The following TYW2 variants were observed in gnomAD, a reference collection of about 807,000 sequenced individuals.
TYW2 encodes tRNA wybutosine-synthesizing protein 2, also known as tRNA wybutosine-synthesizing protein 2 homolog.
the TYW2 span, chr8:124,452,187 G>A: frequency 1.2e-6 from 2 of 1,614,080 alleles, no homozygotes; most frequent in East Asian, 2.2e-5. Flanking sequence ...CACAAATTCT[G>A]CACATCCAAC....
chr8:124,451,678 C>T, the TYW2 span: 1 of 1,614,174 alleles, frequency 6.2e-7, no homozygotes, highest in Non-Finnish European at 8.5e-7. Flanking sequence ...TTTTACATTG[C>T]CTTTCCTAGT....
At chr8:124,451,526 AG>A in the TYW2 span, 1 of 1,614,128 alleles carries the variant, frequency 6.2e-7, no homozygotes, top group Non-Finnish European at 8.5e-7. Flanking sequence ...GGCTGGGTAG[AG>A]CATGTGGATA....
At chr8:124,452,310 C>T in the TYW2 span, 24 of 1,595,002 alleles carry the variant, frequency 1.5e-5, no homozygotes, top group South Asian at 1.7e-4. Context: ...GATCCACGTG[C>T]GAGTGGCCCT....
At chr8:124,451,400 C>G in the TYW2 span, 8 of 1,613,940 alleles carry the variant, frequency 5.0e-6, no homozygotes, top group African/African-American at 1.1e-4. Context: ...AATCTGGGAC[C>G]GGAACTCTGG....
the TYW2 span, chr8:124,451,831 A>C: frequency 6.2e-6 from 10 of 1,614,038 alleles, no homozygotes; most frequent in Non-Finnish European, 7.6e-6. Flanking sequence ...GCTCTCAAAT[A>C]TTGCAGATAG....
chr8:124,452,040 G>A, the TYW2 span: 2 of 1,614,172 alleles, frequency 1.2e-6, no homozygotes, highest in East Asian at 2.2e-5. Context: ...CCAACCAATG[G>A]AAAAATGGAG....
chr8:124,451,879 T>A, the TYW2 span: 6 of 1,614,196 alleles, frequency 3.7e-6, no homozygotes, highest in Non-Finnish European at 5.1e-6. Flanking sequence ...TGAAGAAGGC[T>A]GGCCCATTGC....
chr8:124,451,052 T>C, the TYW2 span: 2 of 1,614,110 alleles, frequency 1.2e-6, no homozygotes, highest in Non-Finnish European at 1.7e-6. Flanking sequence ...AGGCAGAAAC[T>C]CTTTGATACA....
chr8:124,452,429 C>T, the TYW2 span: 1 of 705,812 alleles, frequency 1.4e-6, no homozygotes, highest in Admixed American at 3.3e-5. Context: ...CAAATTATTT[C>T]ATTTGTCTTT....
the TYW2 span, chr8:124,451,860 T>G: frequency 6.2e-7 from 1 of 1,614,146 alleles, no homozygotes; most frequent in Non-Finnish European, 8.5e-7. Context: ...TGGGGCTGAT[T>G]CCCAGCTCTG....
chr8:124,450,866 AAGACCGGGAATTT>A, the TYW2 span: 1 of 1,546,388 alleles, frequency 6.5e-7, no homozygotes, highest in Non-Finnish European at 8.7e-7. Context: ...TACCTTATTT[AAGACCGGGAATTT>A]AGTCAGCCTG....
the TYW2 span, chr8:124,451,393 C>T: frequency 1.2e-6 from 2 of 1,614,112 alleles, no homozygotes; most frequent in Non-Finnish European, 1.7e-6. Flanking sequence ...GTGGAAAAAT[C>T]TGGGACCGGA....
At chr8:124,450,870 C>T in the TYW2 span, 1 of 1,549,746 alleles carries the variant, frequency 6.5e-7, no homozygotes, top group Non-Finnish European at 8.7e-7. Context: ...TTATTTAAGA[C>T]CGGGAATTTA....
At chr8:124,451,204 G>A in the TYW2 span, 4 of 1,614,144 alleles carry the variant, frequency 2.5e-6, no homozygotes, top group Non-Finnish European at 3.4e-6. Context: ...CCCGGATCCT[G>A]TTCCTTCGAA....
At chr8:124,451,009 T>C in the TYW2 span, 800,703 of 1,613,798 alleles carry the variant, frequency 0.5, 201,862 homozygotes, top group African/African-American at 0.72. Context: ...GACTGAGCCT[T>C]GGTTTACCCA....
At chr8:124,452,141 C>G in the TYW2 span, 1 of 1,614,244 alleles carries the variant, frequency 6.2e-7, no homozygotes, top group Admixed American at 1.7e-5. Flanking sequence ...CGAATCGCCA[C>G]TCTTCTTCAG....
At chr8:124,452,259 T>TC in the TYW2 span, 4 of 1,613,238 alleles carry the variant, frequency 2.5e-6, no homozygotes, top group African/African-American at 5.3e-5. Context: ...GCTGCCCCTG[T>TC]CCTTCAGTTG....
chr8:124,451,288 A>G, the TYW2 span: 1 of 1,614,126 alleles, frequency 6.2e-7, no homozygotes, highest in South Asian at 1.1e-5. Context: ...TCGGGGAGTC[A>G]AGTGGTCAGC....
chr8:124,451,128 A>G, the TYW2 span: 4 of 1,614,200 alleles, frequency 2.5e-6, no homozygotes, highest in Non-Finnish European at 3.4e-6. Flanking sequence ...AGACGCTTCC[A>G]GAGCAGCACC....
Sources: gnomAD v4.1 joint callset for allele counts on GRCh38, gnomAD v4.1.1 for gene constraint, MANE v1.5 for transcripts, NCBI Gene and HGNC (gene_info 2026-07-23, HGNC 2026-07-21) for gene names.